Variants in OR6C1 observed in about 807,000 individuals in gnomAD.
The protein encoded by OR6C1 is olfactory receptor family 6 subfamily C member 1, also known as olfactory receptor 6C1.
For synonymous variants in OR6C1, 157 were observed against 133.3 expected (o/e 1.18, Z -1.22); for missense variants, 386 against 366.1 (o/e 1.05, Z -0.44).
At position 55,320,002 on chromosome 12, in the gene OR6C1, G is replaced by A. The variant is rs1030899681; in HGVS notation, c.-33-565G>A. Among the ~76,000 whole-genome samples the A allele has an allele frequency of 5.9e-5, 9 of 152,142 alleles. 1 individual carries two copies. Among genetic ancestry groups the A allele is most frequent in the Middle Eastern group, 3.4e-3 (1 of 294 alleles). ...CTAAAAATACAAAAATTATCCAGGC[G>A]TGGTGGCACGTGCCTGTAATCCCAG... is the stretch of plus-strand genomic sequence containing the variant. On this transcript the variant is annotated intron_variant, in intron 1 of 1. Coordinates refer to ENST00000642104, the MANE Select transcript of OR6C1 (RefSeq NM_001005182.2).
intron 1 of OR6C1, among the ~76,000 whole-genome samples, chr12:55,315,811 T>C (rs191944398): frequency 4.3e-5 from 6 of 140,756 alleles, no homozygotes; most frequent in Non-Finnish European, 7.4e-5. Context: ...TATTTCAGCA[T>C]AATTATAAAA....
At chr12:55,316,933 T>C (rs1868419661) in intron 1 of OR6C1, among the ~76,000 whole-genome samples, 1 of 151,796 alleles carries the variant, frequency 6.6e-6, no homozygotes, top group Non-Finnish European at 1.5e-5. Flanking sequence ...TTTCCTATGT[T>C]CCCTCACAGC....
chr12:55,320,544 G>A, intron 1 of OR6C1, 23 bp from the exon 2 acceptor site: 1 of 1,047,044 alleles, frequency 9.6e-7, no homozygotes, highest in Non-Finnish European at 1.4e-6. Context: ...CTTCAAGTTT[G>A]TTCTTTGTAC....
At position 55,321,925 on chromosome 12, in the gene OR6C1, C is replaced by T. The variant is rs569720165; in HGVS notation, c.*387C>T. On this transcript the variant is annotated 3_prime_UTR_variant, in exon 2 of 2. Coordinates refer to ENST00000642104, the MANE Select transcript of OR6C1 (RefSeq NM_001005182.2). ...TTTAATTTATTCTTATAGAAATTCC[C>T]TTCACTATGCTACTGATGTTCTAGG... The T allele has an allele frequency of 6.5e-6, 1 of 153,036 alleles. No individual in the cohort carries two copies. Among genetic ancestry groups the T allele is most frequent in the Non-Finnish European group, 1.5e-5 (1 of 68,736 alleles). The allele number at this position is 153,036 out of a possible 1,614,324, so 9.5% of individuals were successfully genotyped here.
At chr12:55,315,390 A>G (rs1868392434) in intron 1 of OR6C1, among the ~76,000 whole-genome samples, 1 of 151,648 alleles carries the variant, frequency 6.6e-6, no homozygotes, top group South Asian at 2.1e-4. Flanking sequence ...TCCTTTTCCT[A>G]TCTTGTTAAA....
chr12:55,316,376 A>G (rs1868411793), intron 1 of OR6C1, among the ~76,000 whole-genome samples: 1 of 151,854 alleles, frequency 6.6e-6, no homozygotes, highest in South Asian at 2.1e-4. Context: ...TTTATTTAGT[A>G]AATATTAAAT....
chr12:55,322,361 A>G lies in OR6C1; in HGVS notation c.*823A>G, dbSNP rs1868584519. ...ACAGGATATGTATCCAAATTATTTT[A>G]TACCTGAACAAAATTATTTAAAGTT... On this transcript the variant is annotated 3_prime_UTR_variant, in exon 2 of 2. Transcript: ENST00000642104. 1 of 152,036 alleles carries G rather than the reference A, an allele frequency of 6.6e-6. No individual in the cohort carries two copies. The highest frequency in any genetic ancestry group is 1.5e-5 in the Non-Finnish European group (1 of 67,900). 9.4% of individuals were successfully genotyped at this position (152,036 alleles called of 1,614,324 possible). A position where few individuals can be genotyped will look rare whatever the true frequency, so the allele number is the denominator to read the frequency against.
At chr12:55,319,865 T>G (rs111843123) in intron 1 of OR6C1, among the ~76,000 whole-genome samples, 6,301 of 151,460 alleles carry the variant, frequency 0.042, 445 homozygotes, top group African/African-American at 0.14. Context: ...ACTGGGCCAG[T>G]TGCAGTGGCT....
rs771691627 is a variant in OR6C1, at chr12:55,321,026, G to T, written c.427G>T (p.Val143Phe). 8.1e-6 allele frequency: 13 copies of T among 1,613,712 alleles called. No homozygotes were observed. Among genetic ancestry groups the T allele is most frequent in the South Asian group, 3.3e-5 (3 of 91,054 alleles). ...GAATCGAAGAGTCTGCACACTGCTT[G>T]TTTTTACTTCTTGGCTGGTTTCATT... Reference protein sequence around the residue: ...IMNRRVCTLLVFTSWLVSFLI... With the variant: ...IMNRRVCTLLFFTSWLVSFLI... The change falls in exon 2 of 2, where the codon GTT (valine) becomes TTT (phenylalanine). Residue 143 changes from valine to phenylalanine, a missense_variant. By Grantham distance (50) the Val-to-Phe change is conservative. Coordinates refer to ENST00000642104, the MANE Select transcript of OR6C1 (RefSeq NM_001005182.2).
At chr12:55,316,730 T>G (rs988374186) in intron 1 of OR6C1, among the ~76,000 whole-genome samples, 3 of 151,986 alleles carry the variant, frequency 2.0e-5, no homozygotes, top group African/African-American at 7.2e-5. Flanking sequence ...ATACAATTCA[T>G]TAAACTTTCA....
Position 55,321,701 on chromosome 12 carries a change from A to G in OR6C1, c.*163A>G. The G allele has an allele frequency of 2.2e-6, 1 of 445,440 alleles. No individual in the cohort carries two copies. The highest frequency in any genetic ancestry group is 3.9e-6 in the Non-Finnish European group (1 of 258,682). 27.6% of individuals were successfully genotyped at this position (445,440 alleles called of 1,614,324 possible). A position where few individuals can be genotyped will look rare whatever the true frequency, so the allele number is the denominator to read the frequency against. ...TATATTTCTCATTTGACTTAAAATAATTTTCTTGTGTCTTCCTGACACCCC... is the reference window on the plus strand; with the variant it reads ...TATATTTCTCATTTGACTTAAAATAGTTTTCTTGTGTCTTCCTGACACCCC... On this transcript the variant is annotated 3_prime_UTR_variant, in exon 2 of 2. Coordinates refer to ENST00000642104, the MANE Select transcript of OR6C1 (RefSeq NM_001005182.2).
intron 1 of OR6C1, among the ~76,000 whole-genome samples, chr12:55,318,817 C>T (rs1481618114): frequency 6.6e-6 from 1 of 151,234 alleles, no homozygotes; most frequent in Non-Finnish European, 1.5e-5. Context: ...GGTGAGGATA[C>T]TGAGACACAG....
rs552729770 is a variant in OR6C1 at position 55,318,967 on chromosome 12, A to G, written c.-33-1600A>G. 2.0e-5 allele frequency among the ~76,000 whole-genome samples: 3 copies of G among 152,180 alleles called. 1 individual carries two copies. Among genetic ancestry groups the G allele is most frequent in the East Asian group, 1.9e-4 (1 of 5,180 alleles). ...AAAGAATTAAAAATTGCTATTTCAA[A>G]GTATGAATACACAATTAAGCAAATC... On this transcript the variant is annotated intron_variant, in intron 1 of 1. Transcript: ENST00000642104.
intron 1 of OR6C1, among the ~76,000 whole-genome samples, chr12:55,317,781 G>T (rs753745671): frequency 3.1e-4 from 47 of 151,722 alleles, no homozygotes; most frequent in Non-Finnish European, 5.9e-4. Flanking sequence ...AGTGTGATGA[G>T]TTGGGAAGAA....
At chr12:55,318,534 C>A (rs141872828) in intron 1 of OR6C1, among the ~76,000 whole-genome samples, 2 of 151,224 alleles carry the variant, frequency 1.3e-5, no homozygotes, top group African/African-American at 4.8e-5. Flanking sequence ...TTAGGAAATA[C>A]TTTCTCCATA....
rs1349939293 is a variant in OR6C1 at position 55,318,322 on chromosome 12, CATGTAG to C, written c.-33-2243_-33-2238del. 3.3e-4 allele frequency among the ~76,000 whole-genome samples: 49 copies of C among 150,410 alleles called. 1 individual carries two copies. The highest frequency in any genetic ancestry group is 3.1e-3 in the Admixed American group (46 of 14,922). On this transcript the variant is annotated intron_variant, in intron 1 of 1. Coordinates refer to ENST00000642104, the MANE Select transcript of OR6C1 (RefSeq NM_001005182.2). Reference sequence around the variant, plus strand: ...ATACCATGGTGGGAGAGGTCAGCACCATGTAGACAAGGAAGAGCAAAGATTTACTTG... The same window carrying C: ...ATACCATGGTGGGAGAGGTCAGCACCACAAGGAAGAGCAAAGATTTACTTG...
chr12:55,316,126 CACA>C (rs1868405885), intron 1 of OR6C1, among the ~76,000 whole-genome samples: 1 of 132,876 alleles, frequency 7.5e-6, no homozygotes, highest in African/African-American at 3.9e-5. Context: ...CACACACACA[CACA>C]CCCCCCGAGA....
At chr12:55,318,021 A>G (rs1396763458) in intron 1 of OR6C1, among the ~76,000 whole-genome samples, 1 of 145,776 alleles carries the variant, frequency 6.9e-6, no homozygotes, top group Non-Finnish European at 1.5e-5. Flanking sequence ...AAATACACAC[A>G]CATATATACA....
In OR6C1 at chr12:55,321,602, C is replaced by T. The variant is rs1868564059; in HGVS notation, c.*64C>T. 1.8e-6 allele frequency: 2 copies of T among 1,117,756 alleles called. No homozygotes were observed. The highest frequency in any genetic ancestry group is 3.2e-5 in the South Asian group (2 of 61,698). 69.2% of individuals were successfully genotyped at this position (1,117,756 alleles called of 1,614,324 possible). ...CAATATGAATTTTCAGTAGCTTCTTCAATCAAAATGGCCTCCTTGCAGTCT... is the reference window on the plus strand; with the variant it reads ...CAATATGAATTTTCAGTAGCTTCTTTAATCAAAATGGCCTCCTTGCAGTCT... On this transcript the variant is annotated 3_prime_UTR_variant, in exon 2 of 2. Transcript: ENST00000642104.
Sources: gnomAD v4.1 joint callset for allele counts (sites outside exome capture counted in the v4.1 genomes callset) on GRCh38, gnomAD v4.1.1 for gene constraint, MANE v1.5 for transcripts, NCBI Gene and HGNC (gene_info 2026-07-23, HGNC 2026-07-21) for gene names.